Variants in CALCR observed in about 807,000 individuals in gnomAD.
CALCR encodes calcitonin receptor.
Under a neutral mutation model 59.5 loss-of-function variants are expected in CALCR, and 47 were observed. That is an observed-to-expected ratio of 0.79 (90% CI 0.63 to 1.01). The LOEUF (loss-of-function observed/expected upper bound fraction) is 1.01. Ranked by LOEUF, CALCR falls within the 50% of genes least tolerant of loss-of-function variation. The pLI, the probability that CALCR is intolerant of heterozygous loss-of-function variation, is 0.00. For synonymous variants in CALCR, 213 were observed against 211.3 expected (o/e 1.01, Z -0.07); for missense variants, 566 against 597.1 (o/e 0.95, Z 0.54).
At chr7:93,568,531 CT>C in intron 2 of CALCR, among the ~76,000 whole-genome samples, 1 of 126,238 alleles carries the variant, frequency 7.9e-6, no homozygotes, top group Admixed American at 7.8e-5. Flanking sequence ...CTCTCTCTCT[CT>C]CTCTCTCTCT....
chr7:93,452,466 T>C (rs977659621), intron 8 of CALCR, among the ~76,000 whole-genome samples: 2 of 152,044 alleles, frequency 1.3e-5, no homozygotes, highest in African/African-American at 4.8e-5. Flanking sequence ...TAAAGCCAGC[T>C]GAATGAAGTA....
At chr7:93,456,965 G>A (rs2115787610) in intron 8 of CALCR, among the ~76,000 whole-genome samples, 1 of 152,266 alleles carries the variant, frequency 6.6e-6, no homozygotes, top group Admixed American at 6.5e-5. Flanking sequence ...ACCTGCTTAT[G>A]GGGTTTATTA....
chr7:93,477,961 C>CAAAAAAAAAAAAAAAAAAAAAAA (rs71107894), intron 4 of CALCR, among the ~76,000 whole-genome samples: 1 of 54,378 alleles, frequency 1.8e-5, no homozygotes. Flanking sequence ...GACCCTCTCT[C>CAAAAAAAAAAAAAAAAAAAAAAA]AAAAAAAAAA....
In CALCR at chr7:93,463,678, T is replaced by C. The variant is rs138222386; in HGVS notation, c.522-2731A>G. 8.2e-3 allele frequency among the ~76,000 whole-genome samples: 1,253 copies of C among 152,106 alleles called. 14 individuals carry two copies. Among genetic ancestry groups the C allele is most frequent in the Non-Finnish European group, 0.011 (729 of 67,936 alleles). Reference sequence around the variant, plus strand: ...TTTTAATTTAATTTTACTGTGATAATTGTTCTGAAGAAGAGGTGTGGGATG... The same window carrying C: ...TTTTAATTTAATTTTACTGTGATAACTGTTCTGAAGAAGAGGTGTGGGATG... On this transcript the variant is annotated intron_variant, in intron 7 of 13. Transcript: ENST00000426151.
At chr7:93,539,191 C>T (rs1689783483) in intron 2 of CALCR, among the ~76,000 whole-genome samples, 1 of 152,048 alleles carries the variant, frequency 6.6e-6, no homozygotes, top group African/African-American at 2.4e-5. Context: ...TATGAAATCC[C>T]AATCACTTAA....
intron 2 of CALCR, among the ~76,000 whole-genome samples, chr7:93,572,508 T>G (rs930431007): frequency 4.6e-5 from 7 of 152,188 alleles, no homozygotes; most frequent in Non-Finnish European, 1.0e-4. Flanking sequence ...GAATACTGAT[T>G]TAGATTATCA....
chr7:93,522,370 T>C (rs1584604423), intron 2 of CALCR, among the ~76,000 whole-genome samples: 1 of 152,302 alleles, frequency 6.6e-6, no homozygotes, highest in East Asian at 1.9e-4. Context: ...AGATGCTCTG[T>C]GGACAGGAAG....
intron 2 of CALCR, among the ~76,000 whole-genome samples, chr7:93,494,169 T>C (rs1223837444): frequency 6.6e-6 from 1 of 151,400 alleles, no homozygotes; most frequent in Non-Finnish European, 1.5e-5. Context: ...AACCAGCTTC[T>C]TTATGAAGGT....
At chr7:93,502,230 G>A (rs1801333710) in intron 2 of CALCR, among the ~76,000 whole-genome samples, 1 of 152,056 alleles carries the variant, frequency 6.6e-6, no homozygotes, top group Non-Finnish European at 1.5e-5. Context: ...ATCCTCCTAT[G>A]AAATGCAAAT....
chr7:93,529,696 TG>T (rs1448391107), intron 2 of CALCR, among the ~76,000 whole-genome samples: 1 of 152,166 alleles, frequency 6.6e-6, no homozygotes, highest in Non-Finnish European at 1.5e-5. Context: ...ATTAAAATAT[TG>T]GGTCAAGGCA....
At chr7:93,431,265 T>A (rs1328850862) in intron 13 of CALCR, among the ~76,000 whole-genome samples, 2 of 152,150 alleles carry the variant, frequency 1.3e-5, no homozygotes, top group Non-Finnish European at 2.9e-5. Flanking sequence ...TTACATCAAG[T>A]TTTTCTTTTT....
chr7:93,563,489 G>A (rs972034223), intron 2 of CALCR, among the ~76,000 whole-genome samples: 1 of 152,054 alleles, frequency 6.6e-6, no homozygotes, highest in African/African-American at 2.4e-5. Context: ...TTAGGTTTTT[G>A]CATTTGACTC....
At chr7:93,442,628 C>T (rs553212898) in intron 9 of CALCR, among the ~76,000 whole-genome samples, 4 of 152,278 alleles carry the variant, frequency 2.6e-5, no homozygotes, top group African/African-American at 9.6e-5. Flanking sequence ...CTACACCTCT[C>T]CTCTCTTACC....
chr7:93,572,668 G>GCTCC (rs1790034581), intron 2 of CALCR, among the ~76,000 whole-genome samples: 1 of 152,140 alleles, frequency 6.6e-6, no homozygotes, highest in Non-Finnish European at 1.5e-5. Flanking sequence ...CTAATAGTTA[G>GCTCC]CTCCCTTTCT....
intron 2 of CALCR, among the ~76,000 whole-genome samples, chr7:93,563,276 T>A (rs1287808896): frequency 1.3e-5 from 2 of 152,190 alleles, no homozygotes; most frequent in African/African-American, 4.8e-5. Flanking sequence ...CTAATTAAAA[T>A]TCAATGTATT....
chr7:93,568,551 CTCTCTG>C (rs1219371161), intron 2 of CALCR, among the ~76,000 whole-genome samples: 38 of 144,112 alleles, frequency 2.6e-4, no homozygotes, highest in African/African-American at 9.2e-4. Flanking sequence ...CTCTCTCTCT[CTCTCTG>C]TCTCTCTCCT....
chr7:93,433,140 G>T (rs1799694000), intron 13 of CALCR, among the ~76,000 whole-genome samples: 1 of 152,074 alleles, frequency 6.6e-6, no homozygotes, highest in Non-Finnish European at 1.5e-5. Context: ...GTTGGAAACG[G>T]GTATGAACAG....
At position 93,443,542 on chromosome 7, in the gene CALCR, A is replaced by C; in HGVS notation, c.802+62T>G. ...ATTCTCTGAGACCAAGACTAGAAGA[A>C]GACTGAAAGCATACAGACAGAGGTG... On this transcript the variant is annotated intron_variant, in intron 9 of 13. Coordinates refer to ENST00000426151, the MANE Select transcript of CALCR (RefSeq NM_001742.4). The C allele has an allele frequency of 4.0e-6, 6 of 1,484,832 alleles. No homozygotes were observed. The South Asian group carries it at 7.3e-5, about 18-fold the overall frequency. The allele number at this position is 1,484,832 out of a possible 1,614,324, so 92.0% of individuals were successfully genotyped here.
At chr7:93,520,444 T>C (rs958601673) in intron 2 of CALCR, among the ~76,000 whole-genome samples, 2 of 152,144 alleles carry the variant, frequency 1.3e-5, no homozygotes, top group South Asian at 4.1e-4. Context: ...AAATGGAATA[T>C]TTTCCATTTG....
Sources: gnomAD v4.1 joint callset for allele counts (sites outside exome capture counted in the v4.1 genomes callset) on GRCh38, gnomAD v4.1.1 for gene constraint, MANE v1.5 for transcripts, NCBI Gene and HGNC (gene_info 2026-07-23, HGNC 2026-07-21) for gene names.